Variants in RIMS2 observed in about 807,000 individuals in gnomAD.
The protein encoded by RIMS2 is regulating synaptic membrane exocytosis protein 2.
RIMS2 carries 59 observed loss-of-function variants against 174.4 expected under a neutral mutation model. The observed-to-expected ratio is 0.34, with a 90% CI of 0.27 to 0.42. The LOEUF is 0.42. Ranked by LOEUF, RIMS2 falls within the 10% of genes least tolerant of loss-of-function variation. The pLI is 1.00. For synonymous variants in RIMS2, 606 were observed against 572.5 expected (o/e 1.06, Z -0.84); for missense variants, 1,620 against 1,666.3 (o/e 0.97, Z 0.48).
chr8:103,604,427 T>C (rs1588768732), intron 1 of RIMS2, among the ~76,000 whole-genome samples: 1 of 152,088 alleles, frequency 6.6e-6, no homozygotes, highest in Non-Finnish European at 1.5e-5. Flanking sequence ...TGAAGTCAGG[T>C]AGTGTGATGC....
intron 19 of RIMS2, among the ~76,000 whole-genome samples, chr8:104,038,131 T>C (rs1017129510): frequency 1.3e-5 from 2 of 152,034 alleles, no homozygotes; most frequent in African/African-American, 2.4e-5. Flanking sequence ...ATTAAATAGT[T>C]TGCAACTTGA....
intron 19 of RIMS2, among the ~76,000 whole-genome samples, chr8:104,196,057 T>C (rs2099022598): frequency 6.6e-6 from 1 of 152,164 alleles, no homozygotes; most frequent in East Asian, 1.9e-4. Context: ...CACAGAAAAT[T>C]ATTTTTATAA....
intron 1 of RIMS2, among the ~76,000 whole-genome samples, chr8:103,606,263 G>T (rs1284892272): frequency 1.4e-4 from 20 of 147,934 alleles, no homozygotes; most frequent in African/African-American, 4.5e-4. Flanking sequence ...TATGTACCCA[G>T]TAGTCATTCA....
chr8:103,813,851 C>G (rs574180319), intron 3 of RIMS2, among the ~76,000 whole-genome samples: 2 of 151,956 alleles, frequency 1.3e-5, no homozygotes, highest in African/African-American at 4.8e-5. Flanking sequence ...TGAATAGTGC[C>G]GCAATAAATA....
chr8:104,108,555 C>A (rs2098120304), intron 19 of RIMS2, among the ~76,000 whole-genome samples: 1 of 151,988 alleles, frequency 6.6e-6, no homozygotes, highest in Admixed American at 6.6e-5. Context: ...CACCTTGGCC[C>A]CCCAGAGTGC....
chr8:104,184,683 TTTG>T (rs1486115894), intron 19 of RIMS2, among the ~76,000 whole-genome samples: 1 of 151,408 alleles, frequency 6.6e-6, no homozygotes, highest in Admixed American at 6.6e-5. Context: ...TGACTTTTAT[TTTG>T]TTTTGTTTTG....
rs375031125 is a variant in RIMS2 at position 103,757,010 on chromosome 8, TGAGAGA to T, written c.388-9194_388-9189del. 7.8e-4 allele frequency among the ~76,000 whole-genome samples: 89 copies of T among 114,348 alleles called. 1 individual carries two copies. The highest frequency in any genetic ancestry group is 1.8e-3 in the African/African-American group (48 of 26,944). 75.0% of individuals were successfully genotyped at this position (114,348 alleles called of 152,430 possible). A position where few individuals can be genotyped will look rare whatever the true frequency, so the allele number is the denominator to read the frequency against. On this transcript the variant is annotated intron_variant, in intron 2 of 23. Transcript: ENST00000504942. ...GTGTGTGTGTGTGTGTGTGTGTGTGTGAGAGAGAGAGAGAGAGAGAGAGAGAGATAC... is the reference window on the plus strand; with the variant it reads ...GTGTGTGTGTGTGTGTGTGTGTGTGTGAGAGAGAGAGAGAGAGAGAGATAC...
intron 4 of RIMS2, among the ~76,000 whole-genome samples, chr8:103,895,824 G>T (rs1484932619): frequency 6.6e-6 from 1 of 151,298 alleles, no homozygotes; most frequent in African/African-American, 2.4e-5. Flanking sequence ...TGTAGAATTT[G>T]TCTCCCTGTG....
At chr8:103,582,299 C>T (rs912556554) in intron 1 of RIMS2, among the ~76,000 whole-genome samples, 3 of 152,162 alleles carry the variant, frequency 2.0e-5, no homozygotes, top group Admixed American at 6.5e-5. Flanking sequence ...GGTGCTACAT[C>T]GAGGACCTTG....
At chr8:104,051,944 T>A (rs139236706) in intron 19 of RIMS2, among the ~76,000 whole-genome samples, 105 of 152,358 alleles carry the variant, frequency 6.9e-4, no homozygotes, top group African/African-American at 2.5e-3. Flanking sequence ...TATTACTGAA[T>A]TCTAAAATAG....
chr8:104,138,829 G>GA (rs1477434406), intron 19 of RIMS2, among the ~76,000 whole-genome samples: 2 of 152,122 alleles, frequency 1.3e-5, no homozygotes, highest in Non-Finnish European at 2.9e-5. Flanking sequence ...TATTACTCGA[G>GA]AAATCTTTGC....
intron 4 of RIMS2, among the ~76,000 whole-genome samples, chr8:103,900,357 G>A (rs1240949521): frequency 2.0e-5 from 3 of 150,816 alleles, no homozygotes; most frequent in African/African-American, 7.5e-5. Flanking sequence ...CTGAGTAGCT[G>A]GGATTACAAG....
chr8:104,153,088 G>C (rs539418596), intron 19 of RIMS2, among the ~76,000 whole-genome samples: 1 of 152,026 alleles, frequency 6.6e-6, no homozygotes, highest in Admixed American at 6.6e-5. Flanking sequence ...TGGCAAAGGA[G>C]AAACCTTTTA....
chr8:103,567,191 A>T (rs756879968), intron 1 of RIMS2, among the ~76,000 whole-genome samples: 2 of 152,196 alleles, frequency 1.3e-5, no homozygotes, highest in Non-Finnish European at 2.9e-5. Flanking sequence ...TAAAATGCAC[A>T]TATAAAATTT....
chr8:103,693,925 G>A (rs765501862), intron 1 of RIMS2, among the ~76,000 whole-genome samples: 3 of 152,216 alleles, frequency 2.0e-5, no homozygotes, highest in African/African-American at 4.8e-5. Context: ...TGTTGGTATG[G>A]TGTTAGTGCA....
intron 4 of RIMS2, among the ~76,000 whole-genome samples, chr8:103,899,558 G>A (rs1212767402): frequency 6.6e-6 from 1 of 151,466 alleles, no homozygotes; most frequent in Non-Finnish European, 1.5e-5. Context: ...TTGCCCACTT[G>A]TTGATGGGGT....
chr8:103,814,323 A>G (rs1037859724), intron 3 of RIMS2, among the ~76,000 whole-genome samples: 8 of 147,730 alleles, frequency 5.4e-5, no homozygotes, highest in African/African-American at 2.0e-4. Flanking sequence ...TGGATGATGA[A>G]ATAATCTGTA....
intron 3 of RIMS2, among the ~76,000 whole-genome samples, chr8:103,824,996 A>G (rs1270755544): frequency 6.6e-6 from 1 of 152,198 alleles, no homozygotes; most frequent in Non-Finnish European, 1.5e-5. Context: ...GCTCATATCT[A>G]GGGTCTGCTG....
chr8:104,162,196 T>C (rs1428261512), intron 19 of RIMS2, among the ~76,000 whole-genome samples: 1 of 152,164 alleles, frequency 6.6e-6, no homozygotes, highest in East Asian at 1.9e-4. Context: ...TAGTAATAGA[T>C]GAAAAGGTAA....
Sources: allele counts gnomAD v4.1 joint callset (sites outside exome capture counted in the v4.1 genomes callset), GRCh38; gene constraint gnomAD v4.1.1; transcripts MANE v1.5; gene names NCBI Gene and HGNC (gene_info 2026-07-23, HGNC 2026-07-21).